The following SEC14L1 variants were observed in gnomAD, a reference collection of about 807,000 sequenced individuals.
SEC14L1 encodes the protein SEC14-like protein 1.
In SEC14L1, 48 loss-of-function variants were observed where a neutral mutation model predicts 85.3. The observed-to-expected ratio is 0.56, with a 90% CI of 0.45 to 0.72. SEC14L1 has a LOEUF of 0.72. SEC14L1 is among the 30% of genes least tolerant of loss of function. The pLI, the probability that SEC14L1 is intolerant of heterozygous loss-of-function variation, is 0.00. For synonymous variants in SEC14L1, 391 were observed against 355.5 expected, an observed-to-expected ratio of 1.10 and a Z score of -1.12; for missense variants, 682 against 921.4, an observed-to-expected ratio of 0.74 and a Z score of 3.36.
chr17:77,162,156 G>A (rs374891190), intron 3 of SEC14L1, among the ~76,000 whole-genome samples: 14 of 152,230 alleles, frequency 9.2e-5, no homozygotes, highest in African/African-American at 2.9e-4. Context: ...CAGTCCTGGC[G>A]CTCGGCGGGG....
At chr17:77,140,342 CCACCCGGGCT>C (rs1193138926), upstream of SEC14L1, among the ~76,000 whole-genome samples, 1 of 152,240 alleles carries the variant, frequency 6.6e-6, no homozygotes. Flanking sequence ...CCGCTGGGCT[CCACCCGGGCT>C]CACCCGGGCC....
chr17:77,146,537 T>A (rs1415644353), intron 3 of SEC14L1, among the ~76,000 whole-genome samples: 1 of 152,226 alleles, frequency 6.6e-6, no homozygotes, highest in Admixed American at 6.5e-5. Flanking sequence ...TTTTTACAAT[T>A]AAACCATTTT....
At chr17:77,153,160 C>T (rs1197617847) in intron 3 of SEC14L1, among the ~76,000 whole-genome samples, 1 of 152,154 alleles carries the variant, frequency 6.6e-6, no homozygotes, top group African/African-American at 2.4e-5. Flanking sequence ...CTCCGCCTCC[C>T]GGGTTCCAGC....
intron 3 of SEC14L1, among the ~76,000 whole-genome samples, chr17:77,105,150 A>G (rs899663263): frequency 1.3e-5 from 2 of 152,070 alleles, no homozygotes; most frequent in Admixed American, 6.6e-5. Context: ...GCGACTTTGA[A>G]TAGAAGGGGA....
intron 3 of SEC14L1, among the ~76,000 whole-genome samples, chr17:77,176,934 T>A (rs1195075183): frequency 6.6e-6 from 1 of 152,188 alleles, no homozygotes; most frequent in Non-Finnish European, 1.5e-5. Context: ...TCACTCTGTG[T>A]TGTACATGTC....
At chr17:77,202,865 G>A (rs1488023706) in intron 9 of SEC14L1, among the ~76,000 whole-genome samples, 2 of 151,598 alleles carry the variant, frequency 1.3e-5, no homozygotes, top group Non-Finnish European at 2.9e-5. Context: ...GTTGCAGTGA[G>A]CTGAGATCGT....
Position 77,203,661 on chromosome 17 carries a change from A to G in SEC14L1, c.1098+3A>G. 2.5e-6 allele frequency: 4 copies of G among 1,610,804 alleles called. No individual in the cohort carries two copies. Among genetic ancestry groups the G allele is most frequent in the Non-Finnish European group, 3.4e-6 (4 of 1,178,500 alleles). ...GGGAGGAAGCCCTGCTGAGATACGT[A>G]AGTGCGCGGCTGCGAGACTCCAGGT... On this transcript the variant is annotated splice_donor_region_variant and intron_variant, in intron 10 of 16. Transcript: ENST00000436233.
intron 3 of SEC14L1, among the ~76,000 whole-genome samples, chr17:77,148,649 G>C (rs1973420416): frequency 6.6e-6 from 1 of 152,002 alleles, no homozygotes; most frequent in Admixed American, 6.6e-5. Context: ...ACCTGGTTCT[G>C]TCCCTGTCTG....
At chr17:77,202,590 G>C (rs1474470041) in intron 9 of SEC14L1, among the ~76,000 whole-genome samples, 2 of 152,064 alleles carry the variant, frequency 1.3e-5, no homozygotes, top group African/African-American at 4.8e-5. Flanking sequence ...GTGCACTCCA[G>C]CCTGGCGACA....
chr17:77,097,284 G>T (rs1029143595), intron 3 of SEC14L1, among the ~76,000 whole-genome samples: 3 of 152,184 alleles, frequency 2.0e-5, no homozygotes, highest in Non-Finnish European at 4.4e-5. Context: ...TGCTGATTGT[G>T]GCCGGGCACG....
chr17:77,204,260 C>T (rs1976340566), intron 10 of SEC14L1, among the ~76,000 whole-genome samples: 1 of 152,138 alleles, frequency 6.6e-6, no homozygotes, highest in African/African-American at 2.4e-5. Context: ...TCTTGTTACC[C>T]AGGCTGGAGT....
upstream of SEC14L1, among the ~76,000 whole-genome samples, chr17:77,140,009 A>G (rs542100349): frequency 3.3e-5 from 5 of 152,334 alleles, no homozygotes; most frequent in African/African-American, 1.2e-4. Flanking sequence ...TGAAATGTAC[A>G]GCCACTCAGG....
intron 3 of SEC14L1, 121 bp downstream of exon 3, chr17:77,143,780 T>C (rs890924678): frequency 2.8e-6 from 2 of 704,624 alleles, no homozygotes; most frequent in Non-Finnish European, 4.9e-6. Context: ...TACTCTGTTT[T>C]TATGCTTATG....
intron 13 of SEC14L1, among the ~76,000 whole-genome samples, chr17:77,207,328 T>TCAGGTGATCCTCC (rs1976516514): frequency 1.4e-5 from 2 of 143,608 alleles, no homozygotes; most frequent in Non-Finnish European, 3.1e-5. Flanking sequence ...CTTGGTGGGC[T>TCAGGTGATCCTCC]CAGGTGATCC....
At position 77,155,766 on chromosome 17, in the gene SEC14L1, C is replaced by T. The variant is rs140464764; in HGVS notation, c.63+12107C>T. On this transcript the variant is annotated intron_variant, in intron 3 of 16. Coordinates refer to ENST00000436233, the MANE Select transcript of SEC14L1 (RefSeq NM_001143998.2). Reference sequence around the variant, plus strand: ...ATTTAATTTTTTTGAGACAGAATCTCGCTCTGTTGCCCAGGCTAGAATGCA... The same window carrying T: ...ATTTAATTTTTTTGAGACAGAATCTTGCTCTGTTGCCCAGGCTAGAATGCA... 1.4e-4 allele frequency among the ~76,000 whole-genome samples: 22 copies of T among 152,304 alleles called. No homozygotes were observed. In the East Asian group the frequency reaches 3.3e-3, roughly 23 times the overall value.
chr17:77,215,151 G>A lies in SEC14L1; in HGVS notation c.*1128G>A. 2 of 985,474 alleles carry A rather than the reference G, an allele frequency of 2.0e-6. No individual in the cohort carries two copies. Among genetic ancestry groups the A allele is most frequent in the Non-Finnish European group, 2.4e-6 (2 of 829,980 alleles). The allele number at this position is 985,474 out of a possible 1,614,324, so 61.0% of individuals were successfully genotyped here. On this transcript the variant is annotated 3_prime_UTR_variant, in exon 17 of 17. Transcript: ENST00000436233. ...CGGGGTGAGTGGAAACTTAGTTTGA[G>A]TAATGAAGGAATCTTCACAGAAGCA...
chr17:77,143,916 A>G (rs1055872388), intron 3 of SEC14L1: 2 of 339,384 alleles, frequency 5.9e-6, no homozygotes. Context: ...TTGAACACAC[A>G]GAAGTGGGAT....
At chr17:77,182,840 G>T (rs1975096781) in intron 3 of SEC14L1, among the ~76,000 whole-genome samples, 1 of 152,244 alleles carries the variant, frequency 6.6e-6, no homozygotes, top group Non-Finnish European at 1.5e-5. Context: ...CTCAAACGGG[G>T]TTTTAAAAAT....
intron 3 of SEC14L1, among the ~76,000 whole-genome samples, chr17:77,159,868 G>GACCC (rs10652161): frequency 0.16 from 24,447 of 152,162 alleles, 2,378 homozygotes; most frequent in Non-Finnish European, 0.22. Flanking sequence ...GCTGAGTGGT[G>GACCC]ACCCACTTAA....
Sources: gnomAD v4.1 joint callset for allele counts (sites outside exome capture counted in the v4.1 genomes callset) on GRCh38, gnomAD v4.1.1 for gene constraint, MANE v1.5 for transcripts, NCBI Gene and HGNC (gene_info 2026-07-23, HGNC 2026-07-21) for gene names.